The following ZNF254 variants were observed in gnomAD, a reference collection of about 807,000 sequenced individuals.
ZNF254 encodes CTD-2017D11.1.
ZNF254 carries 10 observed loss-of-function variants against 12.4 expected under a neutral mutation model. The ratio of observed to expected loss-of-function variants is 0.80; its 90% CI spans 0.50 to 1.36. ZNF254 has a LOEUF of 1.36. ZNF254 is among the 40% of genes most tolerant of loss of function. The pLI, the probability that ZNF254 is intolerant of heterozygous loss-of-function variation, is 0.00. For synonymous variants in ZNF254, 305 were observed against 253.4 expected, an observed-to-expected ratio of 1.20 and a Z score of -1.93; for missense variants, 996 against 763.9, an observed-to-expected ratio of 1.30 and a Z score of -3.58.
intron 2 of ZNF254, among the ~76,000 whole-genome samples, chr19:24,063,338 A>G (rs756812869): frequency 6.6e-6 from 1 of 152,188 alleles, no homozygotes; most frequent in East Asian, 1.9e-4. Context: ...CCACAGTGCC[A>G]TATCACCGGG....
chr19:24,053,016 G>T (rs1163545212), intron 2 of ZNF254, among the ~76,000 whole-genome samples: 3 of 152,284 alleles, frequency 2.0e-5, no homozygotes, highest in East Asian at 1.9e-4. Flanking sequence ...CACAGGGGAG[G>T]TTGCGACACT....
intron 2 of ZNF254, among the ~76,000 whole-genome samples, chr19:24,072,157 CTGTT>C (rs1971504283): frequency 6.6e-6 from 1 of 151,264 alleles, no homozygotes; most frequent in African/African-American, 2.4e-5. Context: ...CAGTCTCTTT[CTGTT>C]TTTCTTTTTC....
At chr19:24,061,400 G>C (rs1158389181) in intron 2 of ZNF254, among the ~76,000 whole-genome samples, 2 of 152,182 alleles carry the variant, frequency 1.3e-5, no homozygotes, top group African/African-American at 4.8e-5. Context: ...AGGGGTTCTT[G>C]TGACATATAT....
At chr19:24,125,089 A>G (rs370975291) in intron 3 of ZNF254, among the ~76,000 whole-genome samples, 9 of 152,250 alleles carry the variant, frequency 5.9e-5, no homozygotes, top group Admixed American at 2.6e-4. Context: ...CTGACCTGGC[A>G]CATCAGTTTT....
rs539474626 is a variant in ZNF254, at chr19:24,074,645, C to G, written c.-94+28366C>G. On this transcript the variant is annotated intron_variant, in intron 2 of 4. Transcript: ENST00000613065. ...TTGTGGCATATCTCTGGGCCCATTACCTAGATGATGTGACTCTACTCTTCT... is the reference window on the plus strand; with the variant it reads ...TTGTGGCATATCTCTGGGCCCATTAGCTAGATGATGTGACTCTACTCTTCT... Among the ~76,000 whole-genome samples, 146 of 152,284 alleles carry G rather than the reference C, an allele frequency of 9.6e-4. 1 individual carries two copies. Among genetic ancestry groups the G allele is most frequent in the African/African-American group, 3.4e-3 (140 of 41,560 alleles).
At chr19:24,099,161 A>ATT (rs779671942) in intron 1 of ZNF254, among the ~76,000 whole-genome samples, 3 of 133,138 alleles carry the variant, frequency 2.3e-5, no homozygotes, top group Admixed American at 1.5e-4. Flanking sequence ...ATGCCCAGCT[A>ATT]TTTTTTTTTT....
Position 24,129,020 on chromosome 19 carries a change from A to T in ZNF254, c.*1040A>T, listed in dbSNP as rs1975076465. 1 of 151,936 alleles carries T rather than the reference A, an allele frequency of 6.6e-6. No individual in the cohort carries two copies. The highest frequency in any genetic ancestry group is 6.6e-5 in the Admixed American group (1 of 15,238). 9.4% of individuals were successfully genotyped at this position (151,936 alleles called of 1,614,324 possible). On this transcript the variant is annotated 3_prime_UTR_variant, in exon 4 of 4. Coordinates refer to ENST00000357002, the MANE Select transcript of ZNF254 (RefSeq NM_203282.4). Reference sequence around the variant, plus strand: ...TAATTGTTGCTGCATAAAAGATATGAGATTCTTTTTTATTAGGCATTATTT... The same window carrying T: ...TAATTGTTGCTGCATAAAAGATATGTGATTCTTTTTTATTAGGCATTATTT...
chr19:24,081,252 A>G (rs544036997), intron 2 of ZNF254, among the ~76,000 whole-genome samples: 1 of 152,194 alleles, frequency 6.6e-6, no homozygotes, highest in East Asian at 1.9e-4. Context: ...GTTTTCTTAC[A>G]TAACTTCCTT....
chr19:24,124,156 A>T (rs1175370764), intron 3 of ZNF254, among the ~76,000 whole-genome samples: 1 of 151,746 alleles, frequency 6.6e-6, no homozygotes, highest in African/African-American at 2.4e-5. Flanking sequence ...TTTGTGGTAC[A>T]TTGGGGATTA....
At chr19:24,042,040 CATTT>C (rs1599571519) in intron 1 of ZNF254, among the ~76,000 whole-genome samples, 20 of 136,912 alleles carry the variant, frequency 1.5e-4, no homozygotes, top group South Asian at 4.6e-4. Flanking sequence ...ACGTGGAGAA[CATTT>C]ATGTGTAGCT....
chr19:24,089,835 T>G (rs1464707222), intron 1 of ZNF254, among the ~76,000 whole-genome samples: 1 of 151,970 alleles, frequency 6.6e-6, no homozygotes, highest in Non-Finnish European at 1.5e-5. Flanking sequence ...AATTTCTGCC[T>G]CCTGGTTTCC....
chr19:24,064,865 A>G (rs1971213621), intron 2 of ZNF254, among the ~76,000 whole-genome samples: 1 of 152,196 alleles, frequency 6.6e-6, no homozygotes, highest in African/African-American at 2.4e-5. Context: ...GTCCAACAAC[A>G]TTATGATGAG....
At chr19:24,119,351 C>T (rs1410972666) in intron 3 of ZNF254, among the ~76,000 whole-genome samples, 2 of 151,846 alleles carry the variant, frequency 1.3e-5, no homozygotes, top group Non-Finnish European at 2.9e-5. Flanking sequence ...GCGACCATGC[C>T]TGGCGAATTT....
At chr19:24,033,802 G>A (rs1969855794) in intron 1 of ZNF254, among the ~76,000 whole-genome samples, 2 of 152,174 alleles carry the variant, frequency 1.3e-5, no homozygotes, top group Admixed American at 1.3e-4. Context: ...GTTCAGCCCC[G>A]TCCCTGCGGC....
At chr19:24,086,223 T>TA (rs563948159), upstream of ZNF254, among the ~76,000 whole-genome samples, 9 of 151,566 alleles carry the variant, frequency 5.9e-5, no homozygotes, top group East Asian at 1.9e-4. Context: ...AAATAAAAAA[T>TA]AAAAAAAAGT....
rs188417713 is a variant in ZNF254, at chr19:24,089,589, T to C, written c.30+2252T>C. The stretch of plus-strand genomic sequence containing the variant: ...CATGGCTATGTCTGCTTAGAGTGTC[T>C]AGTAAATATCAGCTTCTGGGTCATA... On this transcript the variant is annotated intron_variant, in intron 1 of 3. Transcript: ENST00000357002. Among the ~76,000 whole-genome samples the C allele has an allele frequency of 5.9e-5, 9 of 152,276 alleles. No individual in the cohort carries two copies. In the East Asian group the frequency reaches 1.7e-3, roughly 29 times the overall value.
At chr19:24,109,412 C>T (rs1400070777) in intron 3 of ZNF254, among the ~76,000 whole-genome samples, 1 of 151,922 alleles carries the variant, frequency 6.6e-6, no homozygotes, top group Non-Finnish European at 1.5e-5. Context: ...TATGAGTAAA[C>T]ATTTCTTTCA....
intron 3 of ZNF254, among the ~76,000 whole-genome samples, chr19:24,112,916 A>C (rs928810443): frequency 6.6e-6 from 1 of 152,238 alleles, no homozygotes; most frequent in Admixed American, 6.5e-5. Flanking sequence ...TATGCAAATA[A>C]ACTAGAAAAT....
chr19:24,119,226 C>T (rs1342990173), intron 3 of ZNF254, among the ~76,000 whole-genome samples: 4 of 152,038 alleles, frequency 2.6e-5, no homozygotes, highest in Non-Finnish European at 5.9e-5. Context: ...AAGTCTCACT[C>T]TGTCACCCAG....
Sources: gnomAD v4.1 joint callset for allele counts (sites outside exome capture counted in the v4.1 genomes callset) on GRCh38, gnomAD v4.1.1 for gene constraint, MANE v1.5 for transcripts, NCBI Gene and HGNC (gene_info 2026-07-23, HGNC 2026-07-21) for gene names.